The following PIK3C2A variants were observed in gnomAD, a reference collection of about 807,000 sequenced individuals.
The protein encoded by PIK3C2A is phosphatidylinositol 4-phosphate 3-kinase C2 domain-containing subunit alpha.
A neutral mutation model predicts 204.5 loss-of-function variants in PIK3C2A; 97 were observed. The ratio of observed to expected loss-of-function variants is 0.47; its 90% confidence interval spans 0.40 to 0.56. The LOEUF (loss-of-function observed/expected upper bound fraction) is 0.56, where lower values mean the gene tolerates loss of function less well. Ranked by LOEUF, PIK3C2A falls within the 20% of genes least tolerant of loss-of-function variation. The pLI, the probability that PIK3C2A is intolerant of heterozygous loss-of-function variation, is 0.00. For synonymous variants in PIK3C2A, 653 were observed against 664.4 expected (o/e 0.98, Z 0.26); for missense variants, 1,735 against 1,969.2 (o/e 0.88, Z 2.25).
intron 2 of PIK3C2A, among the ~76,000 whole-genome samples, chr11:17,167,397 C>T (rs772799377): frequency 6.6e-6 from 1 of 152,072 alleles, no homozygotes; most frequent in Non-Finnish European, 1.5e-5. Flanking sequence ...CCAAGGTGGG[C>T]TGATCACCTG....
At chr11:17,203,919 A>G (rs1209618481) in intron 1 of PIK3C2A, among the ~76,000 whole-genome samples, 1 of 152,098 alleles carries the variant, frequency 6.6e-6, no homozygotes, top group Admixed American at 6.6e-5. Flanking sequence ...AAAATAATAT[A>G]AAAAATTAGC....
chr11:17,157,366 G>A (rs186560871), intron 2 of PIK3C2A, among the ~76,000 whole-genome samples: 7 of 151,576 alleles, frequency 4.6e-5, no homozygotes, highest in African/African-American at 7.3e-5. Flanking sequence ...AGGCTGAGGC[G>A]GGAAAATTGC....
At chr11:17,149,112 T>C (rs1285482417) in intron 4 of PIK3C2A, among the ~76,000 whole-genome samples, 1 of 152,180 alleles carries the variant, frequency 6.6e-6, no homozygotes, top group African/African-American at 2.4e-5. Flanking sequence ...GTACACACTT[T>C]TTTTCTTGTC....
chr11:17,183,040 A>G (rs2137531562), intron 1 of PIK3C2A, among the ~76,000 whole-genome samples: 1 of 152,218 alleles, frequency 6.6e-6, no homozygotes, highest in South Asian at 2.1e-4. Flanking sequence ...AGGTTTTGCC[A>G]TGCATGTTGC....
intron 1 of PIK3C2A, 73 bp from the exon 2 acceptor site, chr11:17,169,879 A>G: frequency 6.4e-6 from 4 of 629,628 alleles, no homozygotes; most frequent in Non-Finnish European, 1.1e-5. Flanking sequence ...AACCTACCCC[A>G]TATGACTTTG....
At chr11:17,191,708 C>A (rs1286315543) in intron 1 of PIK3C2A, among the ~76,000 whole-genome samples, 2 of 152,200 alleles carry the variant, frequency 1.3e-5, no homozygotes, top group Non-Finnish European at 2.9e-5. Context: ...CCCCAGCCCC[C>A]AGACTTGCAG....
At chr11:17,137,939 G>T in intron 8 of PIK3C2A, 2 of 440,676 alleles carry the variant, frequency 4.5e-6, no homozygotes, top group Non-Finnish European at 4.2e-6. Context: ...TTTTTAAAAA[G>T]TCTTTTAATT....
intron 19 of PIK3C2A, among the ~76,000 whole-genome samples, chr11:17,116,174 A>T (rs1235185293): frequency 2.6e-5 from 4 of 152,232 alleles, no homozygotes; most frequent in Non-Finnish European, 5.9e-5. Context: ...TATCCAAAAT[A>T]TATAAATAAC....
chr11:17,178,214 G>T (rs1851406014), intron 1 of PIK3C2A, among the ~76,000 whole-genome samples: 1 of 151,660 alleles, frequency 6.6e-6, no homozygotes, highest in South Asian at 2.1e-4. Context: ...ATTTTAACAG[G>T]TAATATAAAA....
chr11:17,125,849 G>A (rs1352309144), intron 13 of PIK3C2A, among the ~76,000 whole-genome samples: 1 of 152,120 alleles, frequency 6.6e-6, no homozygotes, highest in Non-Finnish European at 1.5e-5. Context: ...TTACTGCTAG[G>A]CATGGTGGCT....
chr11:17,143,514 T>C (rs922335427), intron 8 of PIK3C2A, among the ~76,000 whole-genome samples: 1 of 151,970 alleles, frequency 6.6e-6, no homozygotes, highest in African/African-American at 2.4e-5. Context: ...CAACTTTTTC[T>C]GTACAGGGCC....
Position 17,112,633 on chromosome 11 carries a change from G to A in PIK3C2A, c.3355C>T (p.Leu1119=). 6.4e-7 allele frequency: 1 copy of A among 1,554,512 alleles called. No homozygotes were observed. Among genetic ancestry groups the A allele is most frequent in the East Asian group, 2.4e-5 (1 of 42,208 alleles). ...CSFFSSNAVP[L]KVTMVNADPM... ...TCAGCATTCACCATTGTGACTTTTAGGGGGACAGCATTAGAACTGAAGAAG... is the reference window on the plus strand; with the variant it reads ...TCAGCATTCACCATTGTGACTTTTAAGGGGACAGCATTAGAACTGAAGAAG... The change falls in exon 21 of 33, where the codon CTA becomes TTA. Residue 1119 remains leucine (L), a synonymous_variant. Coordinates refer to ENST00000691414, the MANE Select transcript of PIK3C2A (RefSeq NM_002645.4).
At chr11:17,122,885 G>C (rs913346991) in intron 13 of PIK3C2A, 72 bp from the exon 14 acceptor site, 2 of 674,912 alleles carry the variant, frequency 3.0e-6, no homozygotes, top group Admixed American at 2.8e-5. Context: ...CACATGTAAT[G>C]AATTTGAAAA....
At chr11:17,172,662 C>A (rs997126649) in intron 1 of PIK3C2A, among the ~76,000 whole-genome samples, 1 of 152,242 alleles carries the variant, frequency 6.6e-6, no homozygotes, top group African/African-American at 2.4e-5. Context: ...CCACCACCAC[C>A]TTCCTTCACT....
At chr11:17,142,765 C>T (rs1271188041) in intron 8 of PIK3C2A, among the ~76,000 whole-genome samples, 1 of 152,094 alleles carries the variant, frequency 6.6e-6, no homozygotes. Flanking sequence ...GAACTGACTA[C>T]TGAATTCAGG....
intron 2 of PIK3C2A, among the ~76,000 whole-genome samples, chr11:17,167,976 T>C (rs538590599): frequency 1.3e-5 from 2 of 151,934 alleles, no homozygotes; most frequent in South Asian, 4.2e-4. Context: ...TGCGTGAGAA[T>C]TTCTATAATG....
chr11:17,184,222 T>TAAA (rs5789975), intron 1 of PIK3C2A, among the ~76,000 whole-genome samples: 1 of 146,744 alleles, frequency 6.8e-6, no homozygotes, highest in Non-Finnish European at 1.5e-5. Flanking sequence ...CCTTCTACTT[T>TAAA]AAAAAAAAAA....
chr11:17,089,710 T>A lies in PIK3C2A; in HGVS notation c.*28A>T. On this transcript the variant is annotated 3_prime_UTR_variant, in exon 33 of 33. Transcript: ENST00000691414. ...ATGCATGCACGTTTATAACTGTTCATGCTTCCAAAGCTCAAACATTCACTA... is the reference window on the plus strand; with the variant it reads ...ATGCATGCACGTTTATAACTGTTCAAGCTTCCAAAGCTCAAACATTCACTA... 1 of 1,527,762 alleles carries A rather than the reference T, an allele frequency of 6.5e-7. No individual in the cohort carries two copies. Among genetic ancestry groups the A allele is most frequent in the Non-Finnish European group, 9.0e-7 (1 of 1,105,732 alleles). The allele number at this position is 1,527,762 out of a possible 1,614,324, so 94.6% of individuals were successfully genotyped here.
chr11:17,106,320 G>A (rs1210444780), intron 22 of PIK3C2A, among the ~76,000 whole-genome samples: 1 of 151,842 alleles, frequency 6.6e-6, no homozygotes, highest in Non-Finnish European at 1.5e-5. Context: ...GCTGATGCAT[G>A]AGAATTACTT....
Sources: gnomAD v4.1 joint callset for allele counts (sites outside exome capture counted in the v4.1 genomes callset) on GRCh38, gnomAD v4.1.1 for gene constraint, MANE v1.5 for transcripts, NCBI Gene and HGNC (gene_info 2026-07-23, HGNC 2026-07-21) for gene names.